Variants in PTPRT observed in about 807,000 individuals in gnomAD.
PTPRT encodes receptor-type tyrosine-protein phosphatase T.
In PTPRT, 56 loss-of-function variants were observed where a neutral mutation model predicts 176.8. The ratio of observed to expected loss-of-function variants is 0.32; its 90% confidence interval spans 0.26 to 0.40. The LOEUF is 0.40. Ranked by LOEUF, PTPRT falls within the 10% of genes least tolerant of loss-of-function variation. The pLI is 1.00. For missense variants in PTPRT, 1,540 were observed against 1,908.2 expected (o/e 0.81, Z 3.60); for synonymous variants, 783 against 739.0 (o/e 1.06, Z -0.96).
At chr20:42,244,766 G>A (rs890235080) in intron 14 of PTPRT, among the ~76,000 whole-genome samples, 1 of 152,210 alleles carries the variant, frequency 6.6e-6, no homozygotes, top group Admixed American at 6.5e-5. Flanking sequence ...ACATTGAATT[G>A]TAGACCTTCT....
intron 3 of PTPRT, among the ~76,000 whole-genome samples, chr20:42,788,465 G>A (rs1188666195): frequency 6.6e-6 from 1 of 151,900 alleles, no homozygotes; most frequent in Non-Finnish European, 1.5e-5. Context: ...TCCTGCCTCT[G>A]GCTCTTGGTC....
chr20:43,188,479 C>T (rs927166741), intron 1 of PTPRT, among the ~76,000 whole-genome samples: 1 of 152,174 alleles, frequency 6.6e-6, no homozygotes, highest in Non-Finnish European at 1.5e-5. Flanking sequence ...TGCAAAGACG[C>T]TGTACCTCCC....
chr20:43,071,921 G>A (rs1247170110), intron 1 of PTPRT, among the ~76,000 whole-genome samples: 1 of 152,256 alleles, frequency 6.6e-6, no homozygotes, highest in African/African-American at 2.4e-5. Flanking sequence ...CACTTAAACA[G>A]TCAGTCACCA....
chr20:42,222,371 A>G (rs6513772), intron 15 of PTPRT, among the ~76,000 whole-genome samples: 54,903 of 152,122 alleles, frequency 0.36, 10,142 homozygotes, highest in East Asian at 0.43. Flanking sequence ...TGCCTGGTTT[A>G]TAACTCCCAT....
intron 7 of PTPRT, among the ~76,000 whole-genome samples, chr20:42,556,742 G>C (rs2072867980): frequency 1.3e-5 from 2 of 152,140 alleles, no homozygotes; most frequent in African/African-American, 4.8e-5. Context: ...AATGATGGCT[G>C]TTGGCCACGA....
intron 13 of PTPRT, among the ~76,000 whole-genome samples, chr20:42,261,869 T>C (rs886091137): frequency 1.3e-5 from 2 of 152,170 alleles, no homozygotes; most frequent in Non-Finnish European, 2.9e-5. Context: ...GATCTGCCCA[T>C]CTGGGGCAGC....
intron 8 of PTPRT, among the ~76,000 whole-genome samples, chr20:42,450,673 T>A (rs2070812332): frequency 6.6e-6 from 1 of 152,194 alleles, no homozygotes; most frequent in South Asian, 2.1e-4. Context: ...TGCAGAAGCT[T>A]TTAATTAGTC....
At chr20:42,555,779 C>A (rs974796819) in intron 7 of PTPRT, among the ~76,000 whole-genome samples, 1 of 152,112 alleles carries the variant, frequency 6.6e-6, no homozygotes, top group African/African-American at 2.4e-5. Context: ...TTATGTCTAT[C>A]GTCTACCATG....
At chr20:43,030,752 G>A (rs999741379) in intron 1 of PTPRT, among the ~76,000 whole-genome samples, 2 of 152,080 alleles carry the variant, frequency 1.3e-5, no homozygotes, top group African/African-American at 4.8e-5. Flanking sequence ...GAGGTGGTGT[G>A]GAGCAAGGGA....
intron 9 of PTPRT, among the ~76,000 whole-genome samples, chr20:42,365,510 A>G (rs1255493010): frequency 6.6e-6 from 1 of 151,834 alleles, no homozygotes; most frequent in Non-Finnish European, 1.5e-5. Context: ...ACCAATTTTC[A>G]TCTCTTGGGG....
At chr20:42,223,645 A>G (rs1312452940) in intron 15 of PTPRT, among the ~76,000 whole-genome samples, 2 of 152,238 alleles carry the variant, frequency 1.3e-5, no homozygotes, top group African/African-American at 4.8e-5. Context: ...GAAAAACCTT[A>G]GATCCCACAA....
chr20:42,113,442 C>T (rs1358706274), intron 22 of PTPRT, among the ~76,000 whole-genome samples: 1 of 152,164 alleles, frequency 6.6e-6, no homozygotes, highest in Non-Finnish European at 1.5e-5. Flanking sequence ...GTTGCTACTG[C>T]CTTTCAATTG....
intron 12 of PTPRT, among the ~76,000 whole-genome samples, chr20:42,293,880 CA>C (rs1365958541): frequency 6.6e-6 from 1 of 152,142 alleles, no homozygotes; most frequent in Non-Finnish European, 1.5e-5. Context: ...ACCATTAATT[CA>C]TGTTGGATCT....
intron 7 of PTPRT, among the ~76,000 whole-genome samples, chr20:42,530,340 G>A (rs1326855435): frequency 1.3e-5 from 2 of 152,184 alleles, no homozygotes; most frequent in African/African-American, 4.8e-5. Flanking sequence ...GTCACTGCAT[G>A]CCCGCTGCAT....
intron 16 of PTPRT, among the ~76,000 whole-genome samples, chr20:42,163,072 C>G (rs1989675742): frequency 6.6e-6 from 1 of 152,212 alleles, no homozygotes; most frequent in Non-Finnish European, 1.5e-5. Flanking sequence ...TCACTTATAT[C>G]TGTGGTTGGA....
chr20:43,008,257 A>G (rs1157977110), intron 1 of PTPRT, among the ~76,000 whole-genome samples: 2 of 152,152 alleles, frequency 1.3e-5, no homozygotes, highest in African/African-American at 4.8e-5. Flanking sequence ...TAGTGTCCTT[A>G]AAAAGGGGCT....
chr20:42,293,854 TTCCCAC>T (rs1379070666), intron 12 of PTPRT, among the ~76,000 whole-genome samples: 2 of 152,214 alleles, frequency 1.3e-5, no homozygotes, highest in African/African-American at 2.4e-5. Context: ...GATATGTGAC[TTCCCAC>T]AGTCAATCAA....
chr20:42,175,526 TAGGGGC>T (rs1990255406), intron 16 of PTPRT, among the ~76,000 whole-genome samples: 1 of 151,972 alleles, frequency 6.6e-6, no homozygotes, highest in Admixed American at 6.6e-5. Flanking sequence ...TTGGGTTGAG[TAGGGGC>T]AGGGGATGGC....
rs774091117 is a variant in PTPRT at position 43,089,573 on chromosome 20, A to G, written c.88+100073T>C. 2.5e-4 allele frequency among the ~76,000 whole-genome samples: 38 copies of G among 152,254 alleles called. 1 individual carries two copies. The highest frequency in any genetic ancestry group is 1.4e-3 in the Admixed American group (22 of 15,290). On this transcript the variant is annotated intron_variant, in intron 1 of 30. Transcript: ENST00000373187. The stretch of plus-strand genomic sequence containing the variant: ...TATCATAAAATCACTGTGAACTGAT[A>G]AAACAGAAGCCAGGTGAGGTGGTGC...
Sources: gnomAD v4.1 joint callset for allele counts (sites outside exome capture counted in the v4.1 genomes callset) on GRCh38, gnomAD v4.1.1 for gene constraint, MANE v1.5 for transcripts, NCBI Gene and HGNC (gene_info 2026-07-23, HGNC 2026-07-21) for gene names.